The following TBL1X variants were observed in gnomAD, a reference collection of about 807,000 sequenced individuals.
TBL1X encodes the protein transducin beta like 1 X-linked, also known as F-box-like/WD repeat-containing protein TBL1X.
Under a neutral mutation model 50.7 loss-of-function variants are expected in TBL1X, and 10 were observed. The ratio of observed to expected loss-of-function variants is 0.20; its 90% CI spans 0.12 to 0.33. The LOEUF (loss-of-function observed/expected upper bound fraction) is 0.33, where lower values mean the gene tolerates loss of function less well. Ranked by LOEUF, TBL1X falls within the 10% of genes least tolerant of loss-of-function variation. TBL1X has a pLI of 1.00. For missense variants in TBL1X, 340 were observed against 504.4 expected (o/e 0.67, Z 3.12); for synonymous variants, 190 against 214.7 (o/e 0.88, Z 1.01).
At chrX:9,518,941 C>G (rs1192517990) in intron 2 of TBL1X, among the ~76,000 whole-genome samples, 1 of 110,885 alleles carries the variant, frequency 9.0e-6, no homozygotes, top group Non-Finnish European at 1.9e-5. Context: ...TTTACATGGA[C>G]AGCCTTCTGC....
chrX:9,585,606 C>T lies in TBL1X; in HGVS notation c.-130-54667C>T, dbSNP rs185681754. On this transcript the variant is annotated intron_variant, in intron 2 of 17. Coordinates refer to ENST00000645353, the MANE Select transcript of TBL1X (RefSeq NM_005647.4). ...AGAGTGCCACAGACTGGTGGCTTAC[C>T]GTATAGAAACAAATGCTCTGCAGCT... Among the ~76,000 whole-genome samples, 422 of 110,665 alleles carry T rather than the reference C, an allele frequency of 3.8e-3. 2 individuals are homozygous for T. The highest frequency in any genetic ancestry group is 6.8e-3 in the Non-Finnish European group (361 of 52,880).
chrX:9,678,868 T>A (rs1315826305), intron 5 of TBL1X, among the ~76,000 whole-genome samples: 3 of 111,799 alleles, frequency 2.7e-5, no homozygotes, highest in South Asian at 3.8e-4. Flanking sequence ...AATGTTTATG[T>A]TGCCTAGTTA....
At chrX:9,568,235 G>A (rs1369233178) in intron 2 of TBL1X, among the ~76,000 whole-genome samples, 1 of 110,836 alleles carries the variant, frequency 9.0e-6, no homozygotes, top group East Asian at 2.8e-4. Context: ...TCTGTGCAAC[G>A]TGCTGTGGCA....
chrX:9,518,110 AAAAAAAG>A (rs1182326739), intron 2 of TBL1X, among the ~76,000 whole-genome samples: 7 of 110,577 alleles, frequency 6.3e-5, no homozygotes, highest in Non-Finnish European at 1.1e-4. Context: ...AAAAAAAAAA[AAAAAAAG>A]AAAAGAAAAA....
At chrX:9,582,385 T>G (rs2082447294) in intron 2 of TBL1X, among the ~76,000 whole-genome samples, 1 of 112,513 alleles carries the variant, frequency 8.9e-6, no homozygotes, top group African/African-American at 3.2e-5. Flanking sequence ...TTTAAACATG[T>G]TGATTCTAGT....
intron 2 of TBL1X, among the ~76,000 whole-genome samples, chrX:9,574,718 C>T (rs1439400721): frequency 9.0e-6 from 1 of 111,210 alleles, no homozygotes; most frequent in African/African-American, 3.3e-5. Context: ...CCCCTCACTC[C>T]TGCCTCTGCT....
rs368921598 is a variant in TBL1X, at chrX:9,716,179, A to G, written c.1708-41A>G. The G allele has an allele frequency of 1.7e-5, 20 of 1,203,788 alleles. No homozygotes were observed. The African/African-American group carries it at 1.7e-4, about 11-fold the overall frequency. ...CTTCTCACTCTAAAGGCATCTTTGTATTGTCTCTCAAGATGACAGGTGCTT... is the reference window on the plus strand; with the variant it reads ...CTTCTCACTCTAAAGGCATCTTTGTGTTGTCTCTCAAGATGACAGGTGCTT... On this transcript the variant is annotated intron_variant, in intron 17 of 17. Coordinates refer to ENST00000645353, the MANE Select transcript of TBL1X (RefSeq NM_005647.4).
chrX:9,669,667 A>G (rs28619512), intron 5 of TBL1X, among the ~76,000 whole-genome samples: 3,116 of 111,790 alleles, frequency 0.028, 115 homozygotes, highest in African/African-American at 0.097. Context: ...TGAAACCCCA[A>G]CCAGGCACAT....
chrX:9,697,299 A>T (rs2083137391), intron 11 of TBL1X, 70 bp from the exon 12 acceptor site: 1 of 1,174,180 alleles, frequency 8.5e-7, no homozygotes, highest in South Asian at 1.9e-5. Context: ...CTTTTCTTGT[A>T]TGATAAATGT....
At chrX:9,532,132 G>C (rs947618088) in intron 2 of TBL1X, among the ~76,000 whole-genome samples, 6 of 111,634 alleles carry the variant, frequency 5.4e-5, no homozygotes, top group Non-Finnish European at 7.5e-5. Flanking sequence ...GTGGCCTCCT[G>C]AGCTGCGCAC....
intron 1 of TBL1X, among the ~76,000 whole-genome samples, chrX:9,488,778 C>A (rs375122905): frequency 9.0e-6 from 1 of 110,503 alleles, no homozygotes; most frequent in Admixed American, 9.6e-5. Context: ...TTTTGTCTCT[C>A]GAATAATTGA....
At chrX:9,670,670 CTG>C (rs2082955578) in intron 5 of TBL1X, among the ~76,000 whole-genome samples, 1 of 112,590 alleles carries the variant, frequency 8.9e-6, no homozygotes, top group African/African-American at 3.2e-5. Context: ...GTAGACTCCA[CTG>C]TGTTTCCTAG....
intron 6 of TBL1X, among the ~76,000 whole-genome samples, chrX:9,685,371 G>T (rs1348484080): frequency 2.7e-5 from 3 of 111,863 alleles, no homozygotes; most frequent in African/African-American, 9.8e-5. Context: ...GCTTACTGCA[G>T]CCTCGACCTC....
intron 1 of TBL1X, among the ~76,000 whole-genome samples, chrX:9,483,175 T>C (rs2081892362): frequency 9.0e-6 from 1 of 111,654 alleles, no homozygotes; most frequent in African/African-American, 3.3e-5. Flanking sequence ...TAAGAAACCC[T>C]GACTTAGAAG....
chrX:9,701,522 T>C (rs1054935999), intron 12 of TBL1X, among the ~76,000 whole-genome samples: 3 of 97,400 alleles, frequency 3.1e-5, no homozygotes, highest in East Asian at 6.4e-4. Context: ...AAGAATTGTC[T>C]TGGGCCACAC....
chrX:9,686,576 G>A (rs905053033), intron 6 of TBL1X, among the ~76,000 whole-genome samples: 2 of 112,294 alleles, frequency 1.8e-5, no homozygotes, highest in African/African-American at 3.2e-5. Context: ...GCACATGCTC[G>A]TAACCCCAGC....
intron 12 of TBL1X, among the ~76,000 whole-genome samples, chrX:9,704,009 C>T (rs925758924): frequency 5.4e-5 from 6 of 111,566 alleles, no homozygotes; most frequent in Non-Finnish European, 9.4e-5. Flanking sequence ...GTTGGATTCC[C>T]AGCTGCCATC....
In TBL1X at chrX:9,717,069, A is replaced by ACTGGCGTGCTCTCTTTCTCT. The variant is rs2083283279; in HGVS notation, c.*826_*845dup. 9.4e-6 allele frequency: 1 copy of ACTGGCGTGCTCTCTTTCTCT among 106,451 alleles called. No homozygotes were observed. Among genetic ancestry groups the ACTGGCGTGCTCTCTTTCTCT allele is most frequent in the Non-Finnish European group, 1.9e-5 (1 of 51,693 alleles). The allele number at this position is 106,451 out of a possible 1,213,427, so 8.8% of individuals were successfully genotyped here. A position where few individuals can be genotyped will look rare whatever the true frequency, so the allele number is the denominator to read the frequency against. ...CGCTCGCGCTCGCGCTCGCTTTCTC[A>ACTGGCGTGCTCTCTTTCTCT]CTGGCGTGCTCTCTTTCTCTCTCTC... On this transcript the variant is annotated 3_prime_UTR_variant, in exon 18 of 18. Coordinates refer to ENST00000645353, the MANE Select transcript of TBL1X (RefSeq NM_005647.4).
At chrX:9,485,351 A>G (rs964055358) in intron 1 of TBL1X, among the ~76,000 whole-genome samples, 4 of 112,234 alleles carry the variant, frequency 3.6e-5, no homozygotes, top group Admixed American at 9.5e-5. Context: ...CTTGCCATGT[A>G]ATGTTGCTTA....
Sources: allele counts gnomAD v4.1 joint callset (sites outside exome capture counted in the v4.1 genomes callset), GRCh38; gene constraint gnomAD v4.1.1; transcripts MANE v1.5; gene names NCBI Gene and HGNC (gene_info 2026-07-23, HGNC 2026-07-21).